The following CCSER1 variants were observed in gnomAD, a reference collection of about 807,000 sequenced individuals.
CCSER1 encodes the protein serine-rich coiled-coil domain-containing protein 1.
A neutral mutation model predicts 82.0 loss-of-function variants in CCSER1; 41 were observed. The ratio of observed to expected loss-of-function variants is 0.50; its 90% CI spans 0.39 to 0.65. The LOEUF is 0.65. Ranked by LOEUF, CCSER1 falls within the 30% of genes least tolerant of loss-of-function variation. The pLI, the probability that CCSER1 is intolerant of heterozygous loss-of-function variation, is 0.00. For missense variants in CCSER1, 1,119 were observed against 1,064.2 expected, an observed-to-expected ratio of 1.05 and a Z score of -0.72; for synonymous variants, 414 against 383.9, an observed-to-expected ratio of 1.08 and a Z score of -0.92.
At chr4:91,178,408 G>A (rs1305508329) in intron 10 of CCSER1, among the ~76,000 whole-genome samples, 1 of 65,542 alleles carries the variant, frequency 1.5e-5, no homozygotes, top group Non-Finnish European at 4.0e-5. Flanking sequence ...GTTGACAGTG[G>A]GGTAAAGTCT....
At chr4:90,190,608 A>G (rs74556712) in intron 1 of CCSER1, among the ~76,000 whole-genome samples, 2,735 of 152,208 alleles carry the variant, frequency 0.018, 89 homozygotes, top group African/African-American at 0.063. Flanking sequence ...TAAATTTACA[A>G]ACTTTAAAAG....
intron 10 of CCSER1, among the ~76,000 whole-genome samples, chr4:91,301,573 G>T (rs1479717154): frequency 6.6e-6 from 1 of 150,938 alleles, no homozygotes; most frequent in Non-Finnish European, 1.5e-5. Flanking sequence ...AAATAGAACA[G>T]AGGGATATAT....
chr4:91,092,130 A>G (rs1724026790), intron 10 of CCSER1, among the ~76,000 whole-genome samples: 1 of 152,130 alleles, frequency 6.6e-6, no homozygotes, highest in Admixed American at 6.6e-5. Flanking sequence ...TACTTTCCCT[A>G]AACTATTTTT....
chr4:91,006,498 T>C (rs1738524117), intron 9 of CCSER1, among the ~76,000 whole-genome samples: 1 of 151,682 alleles, frequency 6.6e-6, no homozygotes, highest in Admixed American at 6.6e-5. Flanking sequence ...TTTTCTTTTT[T>C]TTTTTTTCTT....
intron 1 of CCSER1, among the ~76,000 whole-genome samples, chr4:90,180,774 G>C (rs1733592624): frequency 6.6e-6 from 1 of 151,988 alleles, no homozygotes; most frequent in African/African-American, 2.4e-5. Context: ...AACTGAGACA[G>C]GGAATACCTG....
intron 10 of CCSER1, among the ~76,000 whole-genome samples, chr4:91,450,213 A>G (rs893341763): frequency 1.3e-5 from 2 of 151,910 alleles, no homozygotes; most frequent in African/African-American, 4.8e-5. Flanking sequence ...AACGTCCTAT[A>G]TTTCCTCCTC....
chr4:90,552,974 C>T (rs902761269), intron 5 of CCSER1, among the ~76,000 whole-genome samples: 2 of 140,776 alleles, frequency 1.4e-5, no homozygotes, highest in African/African-American at 5.6e-5. Context: ...CTAAATTAAC[C>T]ATTTTTTTTT....
intron 3 of CCSER1, among the ~76,000 whole-genome samples, chr4:90,363,294 T>C (rs746485560): frequency 1.3e-5 from 2 of 152,182 alleles, no homozygotes; most frequent in Non-Finnish European, 2.9e-5. Flanking sequence ...TTAAAATAAA[T>C]AGTACGCACA....
At chr4:90,968,318 C>T (rs7676210) in intron 9 of CCSER1, among the ~76,000 whole-genome samples, 34,843 of 151,960 alleles carry the variant, frequency 0.23, 4,542 homozygotes, top group Non-Finnish European at 0.29. Flanking sequence ...TGATATGCAT[C>T]CCTTGCAGAT....
chr4:90,228,854 T>C (rs1005897279), intron 1 of CCSER1, among the ~76,000 whole-genome samples: 1 of 152,048 alleles, frequency 6.6e-6, no homozygotes, highest in Admixed American at 6.6e-5. Context: ...TGCGATCAAC[T>C]GGAAGAAAGG....
intron 1 of CCSER1, among the ~76,000 whole-genome samples, chr4:90,222,973 A>G (rs934543241): frequency 6.6e-6 from 1 of 152,068 alleles, no homozygotes; most frequent in Non-Finnish European, 1.5e-5. Flanking sequence ...GTATGTATAT[A>G]TGTGTGTGTG....
At chr4:90,292,954 C>A (rs2054350) in intron 1 of CCSER1, among the ~76,000 whole-genome samples, 7 of 151,678 alleles carry the variant, frequency 4.6e-5, no homozygotes, top group Non-Finnish European at 1.0e-4. Context: ...CTTTAAAATT[C>A]TTTTTCTCAG....
rs181674147 is a variant in CCSER1, at chr4:91,363,209, C to T, written c.2218-235363C>T. ...TGTCATCTGGACCCCATATTTCTAG[C>T]GTAATGCTTTTGAGTTACAAGTCTA... On this transcript the variant is annotated intron_variant, in intron 10 of 10. Transcript: ENST00000509176. Among the ~76,000 whole-genome samples the T allele has an allele frequency of 6.7e-4, 102 of 151,782 alleles. 3 individuals carry two copies. The Middle Eastern group carries it at 0.034, about 51-fold the overall frequency.
chr4:91,431,870 GT>G lies in CCSER1; in HGVS notation c.2218-166692del, dbSNP rs796564694. 4.5e-3 allele frequency among the ~76,000 whole-genome samples: 673 copies of G among 149,688 alleles called. 3 individuals are homozygous for G. The highest frequency in any genetic ancestry group is 0.013 in the African/African-American group (522 of 40,874). ...TAGATTTTTCTAAATTAGTTCACAGGTTTTTTTTTTCTTTATTGTTGGTTCA... is the reference window on the plus strand; with the variant it reads ...TAGATTTTTCTAAATTAGTTCACAGGTTTTTTTTTCTTTATTGTTGGTTCA... On this transcript the variant is annotated intron_variant, in intron 10 of 10. Coordinates refer to ENST00000509176, the MANE Select transcript of CCSER1 (RefSeq NM_001145065.2).
intron 10 of CCSER1, among the ~76,000 whole-genome samples, chr4:91,348,151 AATC>A (rs1748200835): frequency 6.6e-6 from 1 of 152,124 alleles, no homozygotes; most frequent in South Asian, 2.1e-4. Flanking sequence ...GTTCCTATTT[AATC>A]TTAGATTGCT....
intron 1 of CCSER1, among the ~76,000 whole-genome samples, chr4:90,228,562 G>T (rs527855857): frequency 1.3e-5 from 2 of 152,116 alleles, no homozygotes; most frequent in African/African-American, 2.4e-5. Context: ...AACGCAGAGC[G>T]CCTCTCCTCC....
intron 4 of CCSER1, among the ~76,000 whole-genome samples, chr4:90,411,209 G>T (rs1473440421): frequency 6.6e-6 from 1 of 152,098 alleles, no homozygotes; most frequent in Non-Finnish European, 1.5e-5. Context: ...GGAGGAGCTG[G>T]TACCATTCCT....
intron 2 of CCSER1, 102 bp from the exon 3 acceptor site, chr4:90,312,761 C>A: frequency 1.1e-6 from 1 of 904,074 alleles, no homozygotes; most frequent in Non-Finnish European, 1.7e-6. Context: ...GATAGAGAAA[C>A]TTTGAATAAC....
chr4:90,249,248 G>T (rs980332666), intron 1 of CCSER1, among the ~76,000 whole-genome samples: 1 of 152,108 alleles, frequency 6.6e-6, no homozygotes, highest in Non-Finnish European at 1.5e-5. Flanking sequence ...AGAGACAGGG[G>T]TGGCTACCTT....
Sources: gnomAD v4.1 joint callset for allele counts (sites outside exome capture counted in the v4.1 genomes callset) on GRCh38, gnomAD v4.1.1 for gene constraint, MANE v1.5 for transcripts, NCBI Gene and HGNC (gene_info 2026-07-23, HGNC 2026-07-21) for gene names.